The following COL23A1 variants were observed in gnomAD, a reference collection of about 807,000 sequenced individuals.
COL23A1 encodes collagen alpha-1(XXIII) chain.
COL23A1 carries 97 observed loss-of-function variants against 99.3 expected under a neutral mutation model. The ratio of observed to expected loss-of-function variants is 0.98; its 90% CI spans 0.83 to 1.16. The LOEUF is 1.16. Ranked by LOEUF, COL23A1 falls within the 50% of genes most tolerant of loss-of-function variation. The probability of loss-of-function intolerance (pLI) is 0.00; values close to 1 mark genes in which losing one functional copy is unlikely to be tolerated. For missense variants in COL23A1, 762 were observed against 757.4 expected, an observed-to-expected ratio of 1.01 and a Z score of -0.07; for synonymous variants, 320 against 308.2, an observed-to-expected ratio of 1.04 and a Z score of -0.40.
At chr5:178,550,179 T>C (rs568326050) in intron 2 of COL23A1, among the ~76,000 whole-genome samples, 2 of 152,362 alleles carry the variant, frequency 1.3e-5, no homozygotes, top group Non-Finnish European at 2.9e-5. Context: ...TGAGTTCACA[T>C]AACTTCACTT....
rs993979652 is a variant in COL23A1 at position 178,468,642 on chromosome 5, G to A, written c.361+92040C>T. ...CCCAGGCAGCCTGGAGGGAAGGGCC[G>A]GGTCCGAGGTCACGGAGCCTGCAGC... On this transcript the variant is annotated intron_variant, in intron 2 of 28. Coordinates refer to ENST00000390654, the MANE Select transcript of COL23A1 (RefSeq NM_173465.4). The surrounding 1 kb of genome is among the most constrained non-coding windows in gnomAD (Gnocchi z 4.2). Among the ~76,000 whole-genome samples, 2 of 152,158 alleles carry A rather than the reference G, an allele frequency of 1.3e-5. No individual in the cohort carries two copies. Among genetic ancestry groups the A allele is most frequent in the Non-Finnish European group, 2.9e-5 (2 of 68,028 alleles).
At chr5:178,547,706 T>C (rs1462900575) in intron 2 of COL23A1, among the ~76,000 whole-genome samples, 1 of 5,428 alleles carries the variant, frequency 1.8e-4, no homozygotes, top group Non-Finnish European at 2.9e-4. Context: ...CACACACCCA[T>C]ACACACCCCC....
chr5:178,425,611 C>A (rs1581367923), intron 2 of COL23A1, among the ~76,000 whole-genome samples: 1 of 152,114 alleles, frequency 6.6e-6, no homozygotes, highest in East Asian at 1.9e-4. Context: ...AGTGGTGCAA[C>A]CGGCCAACAC....
At chr5:178,463,833 G>C (rs1449305988) in intron 2 of COL23A1, among the ~76,000 whole-genome samples, 1 of 152,192 alleles carries the variant, frequency 6.6e-6, no homozygotes, top group East Asian at 1.9e-4. Context: ...GTGCAGGTAT[G>C]AGCCCTTTGG....
intron 17 of COL23A1, among the ~76,000 whole-genome samples, chr5:178,252,208 G>A (rs1239352526): frequency 7.2e-5 from 11 of 152,112 alleles, no homozygotes; most frequent in African/African-American, 2.7e-4. Flanking sequence ...GAGCCACCAC[G>A]CCCAGCCCAT....
intron 2 of COL23A1, among the ~76,000 whole-genome samples, chr5:178,501,177 C>T (rs923272629): frequency 6.6e-6 from 1 of 152,108 alleles, no homozygotes; most frequent in African/African-American, 2.4e-5. Context: ...ACCTTGGGAC[C>T]CAAGGAATGA....
chr5:178,378,808 C>A (rs550712956), intron 2 of COL23A1, among the ~76,000 whole-genome samples: 2 of 152,152 alleles, frequency 1.3e-5, no homozygotes, highest in Non-Finnish European at 2.9e-5. Context: ...CAGGTGGCAG[C>A]GGCCGCAGGA....
At chr5:178,518,578 G>A (rs960147685) in intron 2 of COL23A1, among the ~76,000 whole-genome samples, 1 of 148,050 alleles carries the variant, frequency 6.8e-6, no homozygotes, top group Non-Finnish European at 1.5e-5. Flanking sequence ...TCACCTCCCA[G>A]ATGGGGCGGC....
At chr5:178,247,614 T>C (rs1262990037) in intron 21 of COL23A1, 62 bp from the exon 22 acceptor site, 1 of 1,606,670 alleles carries the variant, frequency 6.2e-7, no homozygotes, top group African/African-American at 1.3e-5. Flanking sequence ...GGCCACTCAC[T>C]GGCCCCTGGG....
chr5:178,559,810 C>T (rs1471230093), intron 2 of COL23A1, among the ~76,000 whole-genome samples: 1 of 135,696 alleles, frequency 7.4e-6, no homozygotes, highest in Non-Finnish European at 1.6e-5. Context: ...AGACACATCA[C>T]CCAAAAGTCA....
chr5:178,343,289 G>A (rs1033737868), intron 2 of COL23A1, among the ~76,000 whole-genome samples: 1 of 152,028 alleles, frequency 6.6e-6, no homozygotes, highest in Non-Finnish European at 1.5e-5. Flanking sequence ...GAAAGAGAGT[G>A]ACAGGATGGG....
intron 25 of COL23A1, 125 bp from the exon 26 acceptor site, chr5:178,242,519 G>A (rs1460335569): frequency 8.8e-6 from 8 of 912,224 alleles, no homozygotes; most frequent in East Asian, 2.6e-5. Flanking sequence ...CGTGGCACAC[G>A]CTGGCCTAGC....
At chr5:178,238,953 C>G (rs185768350) in intron 28 of COL23A1, among the ~76,000 whole-genome samples, 188 bp downstream of exon 28, 1 of 152,198 alleles carries the variant, frequency 6.6e-6, no homozygotes, top group African/African-American at 2.4e-5. Flanking sequence ...CACAGCCCCA[C>G]GCCTCACATG....
Position 178,255,874 on chromosome 5 carries a change from G to A in COL23A1, c.882+479C>T. 1 of 394,838 alleles carries A rather than the reference G, an allele frequency of 2.5e-6. No individual in the cohort carries two copies. The highest frequency in any genetic ancestry group is 5.2e-6 in the Non-Finnish European group (1 of 192,274). The allele number at this position is 394,838 out of a possible 1,614,324, so 24.5% of individuals were successfully genotyped here. A position where few individuals can be genotyped will look rare whatever the true frequency, so the allele number is the denominator to read the frequency against. ...CATGAGGAGACAGAGCCGAGGCCAG[G>A]ATCCCGGACGTCACCCTAAAGGTAA... On this transcript the variant is annotated intron_variant, in intron 15 of 28. Coordinates refer to ENST00000390654, the MANE Select transcript of COL23A1 (RefSeq NM_173465.4). This position sits in a 1 kb window ranked among gnomAD's most constrained non-coding sequence, Gnocchi z 4.2.
chr5:178,516,586 T>A (rs767659124), intron 2 of COL23A1, among the ~76,000 whole-genome samples: 5 of 152,190 alleles, frequency 3.3e-5, no homozygotes, highest in Non-Finnish European at 7.3e-5. Context: ...CGTGCTGAAA[T>A]CTTATTTCCT....
intron 2 of COL23A1, among the ~76,000 whole-genome samples, chr5:178,484,821 C>CA (rs397746374): frequency 0.37 from 33,021 of 90,206 alleles, 6,212 homozygotes; most frequent in Non-Finnish European, 0.46. Flanking sequence ...GACTCTGTCT[C>CA]AAAAAAAAAA....
chr5:178,434,400 C>T lies in COL23A1; in HGVS notation c.361+126282G>A, dbSNP rs1227206161. 1.3e-5 allele frequency among the ~76,000 whole-genome samples: 2 copies of T among 152,240 alleles called. No individual in the cohort carries two copies. Among genetic ancestry groups the T allele is most frequent in the Admixed American group, 6.5e-5 (1 of 15,290 alleles). On this transcript the variant is annotated intron_variant, in intron 2 of 28. Transcript: ENST00000390654. This position sits in a 1 kb window ranked among gnomAD's most constrained non-coding sequence, Gnocchi z 4.3. Reference sequence around the variant, plus strand: ...GACAGCGCCCCTGCAGCACGGTGGCCTCGGGCAAAATGCCTGGACCAGGAC... The same window carrying T: ...GACAGCGCCCCTGCAGCACGGTGGCTTCGGGCAAAATGCCTGGACCAGGAC...
chr5:178,583,006 G>A (rs1209400856), intron 1 of COL23A1, among the ~76,000 whole-genome samples: 1 of 152,200 alleles, frequency 6.6e-6, no homozygotes. Flanking sequence ...GGGAGCTCAG[G>A]CCTGGCCCTG....
intron 3 of COL23A1, among the ~76,000 whole-genome samples, chr5:178,299,294 TAAG>T (rs576719422): frequency 4.3e-4 from 66 of 152,378 alleles, no homozygotes; most frequent in African/African-American, 1.5e-3. Flanking sequence ...CTTTTCTTTG[TAAG>T]AAGTTTTTTG....
Sources: allele counts gnomAD v4.1 joint callset (sites outside exome capture counted in the v4.1 genomes callset), GRCh38; gene constraint gnomAD v4.1.1; non-coding constraint Gnocchi (gnomAD v3.1); transcripts MANE v1.5; gene names NCBI Gene and HGNC (gene_info 2026-07-23, HGNC 2026-07-21).